MAPKAP1: variants seen among roughly 807,000 people sequenced by gnomAD.
MAPKAP1 encodes the protein MAPK associated protein 1, also known as target of rapamycin complex 2 subunit MAPKAP1.
MAPKAP1 carries 20 observed loss-of-function variants against 65.7 expected under a neutral mutation model. The ratio of observed to expected loss-of-function variants is 0.30; its 90% CI spans 0.21 to 0.44. MAPKAP1 has a LOEUF of 0.44. Among genes scored for constraint, MAPKAP1 ranks in the 20% least tolerant of loss-of-function variants. The pLI is 1.00. For synonymous variants in MAPKAP1, 222 were observed against 244.3 expected (o/e 0.91, Z 0.85); for missense variants, 423 against 648.0 (o/e 0.65, Z 3.77).
At chr9:125,692,370 T>C (rs1350870441) in intron 1 of MAPKAP1, among the ~76,000 whole-genome samples, 1 of 152,248 alleles carries the variant, frequency 6.6e-6, no homozygotes, top group Non-Finnish European at 1.5e-5. Flanking sequence ...ACAACACAGA[T>C]GAACCTTGAA....
At chr9:125,525,759 T>G (rs532989015) in intron 7 of MAPKAP1, among the ~76,000 whole-genome samples, 1 of 151,466 alleles carries the variant, frequency 6.6e-6, no homozygotes, top group East Asian at 1.9e-4. Context: ...AGGTAGGTCT[T>G]CTAGAACCCA....
Position 125,580,454 on chromosome 9 carries a change from C to T in MAPKAP1, c.671+5101G>A, listed in dbSNP as rs531127076. ...CACAAGGACAGAAATCCAAACACCG[C>T]AAGTTCTCACTTATAGGTGGGAACT... On this transcript the variant is annotated intron_variant, in intron 5 of 11. Transcript: ENST00000265960. Among the ~76,000 whole-genome samples the T allele has an allele frequency of 2.6e-4, 19 of 72,798 alleles. No homozygotes were observed. The East Asian group carries it at 5.7e-3, about 22-fold the overall frequency. The allele number at this position is 72,798 out of a possible 152,430, so 47.8% of individuals were successfully genotyped here. A position where few individuals can be genotyped will look rare whatever the true frequency, so the allele number is the denominator to read the frequency against.
At chr9:125,696,875 C>T (rs930712682) in intron 1 of MAPKAP1, among the ~76,000 whole-genome samples, 1 of 149,186 alleles carries the variant, frequency 6.7e-6, no homozygotes, top group Non-Finnish European at 1.5e-5. Flanking sequence ...TTTACCTTAA[C>T]ACACATAATT....
intron 6 of MAPKAP1, among the ~76,000 whole-genome samples, chr9:125,552,999 T>C (rs1309532720): frequency 2.6e-5 from 4 of 152,208 alleles, no homozygotes; most frequent in East Asian, 1.9e-4. Context: ...TGTGTAGCTA[T>C]ATATATCTAT....
At chr9:125,592,675 C>A (rs1197060334) in intron 4 of MAPKAP1, among the ~76,000 whole-genome samples, 1 of 151,872 alleles carries the variant, frequency 6.6e-6, no homozygotes, top group Non-Finnish European at 1.5e-5. Flanking sequence ...GAGGCCGAGG[C>A]GGGCAGATCA....
intron 4 of MAPKAP1, among the ~76,000 whole-genome samples, chr9:125,599,604 CTTT>C (rs72065538): frequency 1.3e-4 from 16 of 126,410 alleles, no homozygotes; most frequent in East Asian, 2.4e-4. Context: ...ATGTAAGTCC[CTTT>C]TTTTTTTTTT....
chr9:125,689,738 CAAA>C (rs71374291), intron 1 of MAPKAP1, among the ~76,000 whole-genome samples: 4 of 97,122 alleles, frequency 4.1e-5, no homozygotes, highest in African/African-American at 1.6e-4. Flanking sequence ...GACTCCATCT[CAAA>C]AAAAAAAAAA....
At chr9:125,543,436 T>C (rs902812375) in intron 6 of MAPKAP1, among the ~76,000 whole-genome samples, 10 of 151,814 alleles carry the variant, frequency 6.6e-5, no homozygotes, top group Admixed American at 2.0e-4. Context: ...CCGGCTAATT[T>C]TTTGTATTTT....
rs187343525 is a variant in MAPKAP1 at position 125,512,668 on chromosome 9, G to A, written c.959-6251C>T. Reference sequence around the variant, plus strand: ...GCAATCTCGGCTCACTGCAAGCTCCGCCTCCCGGGTTCACGCTATTCTCCT... The same window carrying A: ...GCAATCTCGGCTCACTGCAAGCTCCACCTCCCGGGTTCACGCTATTCTCCT... On this transcript the variant is annotated intron_variant, in intron 7 of 11. Coordinates refer to ENST00000265960, the MANE Select transcript of MAPKAP1 (RefSeq NM_001006617.3). Among the ~76,000 whole-genome samples, 755 of 151,972 alleles carry A rather than the reference G, an allele frequency of 5.0e-3. 5 individuals carry two copies. The highest frequency in any genetic ancestry group is 0.017 in the African/African-American group (710 of 41,440).
chr9:125,656,622 C>A (rs1834039021), intron 4 of MAPKAP1, among the ~76,000 whole-genome samples: 1 of 151,482 alleles, frequency 6.6e-6, no homozygotes, highest in Non-Finnish European at 1.5e-5. Context: ...GTGACAGAAC[C>A]AGCTCATGAA....
intron 3 of MAPKAP1, among the ~76,000 whole-genome samples, chr9:125,668,827 T>C (rs1348438061): frequency 6.6e-6 from 1 of 152,198 alleles, no homozygotes; most frequent in Admixed American, 6.5e-5. Flanking sequence ...GGCCCACTAA[T>C]GGGGCAAGGA....
chr9:125,668,061 T>C (rs1389189501), intron 3 of MAPKAP1, among the ~76,000 whole-genome samples: 1 of 152,074 alleles, frequency 6.6e-6, no homozygotes, highest in Non-Finnish European at 1.5e-5. Context: ...GAAAAACAAG[T>C]AATTGGGACT....
chr9:125,683,019 T>C (rs1588071005), intron 1 of MAPKAP1, among the ~76,000 whole-genome samples: 2 of 151,094 alleles, frequency 1.3e-5, no homozygotes, highest in Admixed American at 6.6e-5. Context: ...AATGCAATGG[T>C]GCGATCTCAG....
rs145549325 is a variant in MAPKAP1, at chr9:125,691,043, C to T, written c.-70+15928G>A. ...GTGGGAGGCCGAGGTGGGTGGATCG[C>T]GAGGTCAGGAGAATGAGACCATCCT... On this transcript the variant is annotated intron_variant, in intron 1 of 11. Coordinates refer to ENST00000265960, the MANE Select transcript of MAPKAP1 (RefSeq NM_001006617.3). 2.4e-3 allele frequency among the ~76,000 whole-genome samples: 358 copies of T among 152,214 alleles called. 9 individuals are homozygous for T. The East Asian group carries it at 0.054, about 23-fold the overall frequency.
At chr9:125,491,390 G>A (rs755447295) in intron 8 of MAPKAP1, among the ~76,000 whole-genome samples, 3 of 152,090 alleles carry the variant, frequency 2.0e-5, no homozygotes, top group Non-Finnish European at 4.4e-5. Flanking sequence ...ACAGTGAGCT[G>A]TGATCACGCC....
intron 10 of MAPKAP1, among the ~76,000 whole-genome samples, chr9:125,450,027 A>G (rs1374943410): frequency 1.3e-5 from 2 of 151,780 alleles, no homozygotes; most frequent in African/African-American, 2.4e-5. Flanking sequence ...GGTTCAAGCG[A>G]TTCTCCTGCC....
chr9:125,605,826 A>G (rs1469570144), intron 4 of MAPKAP1, among the ~76,000 whole-genome samples: 1 of 152,250 alleles, frequency 6.6e-6, no homozygotes, highest in Non-Finnish European at 1.5e-5. Flanking sequence ...TCACCAACAC[A>G]GTTCATGGAG....
At chr9:125,556,938 T>G (rs1830752536) in intron 6 of MAPKAP1, among the ~76,000 whole-genome samples, 1 of 152,222 alleles carries the variant, frequency 6.6e-6, no homozygotes, top group African/African-American at 2.4e-5. Context: ...CTTTTGTTCT[T>G]AATGCTCACA....
At chr9:125,459,725 G>C (rs1157978959) in intron 10 of MAPKAP1, among the ~76,000 whole-genome samples, 1 of 152,172 alleles carries the variant, frequency 6.6e-6, no homozygotes, top group Non-Finnish European at 1.5e-5. Flanking sequence ...TGAGGCAGGA[G>C]AATCAGGCAG....
Sources: gnomAD v4.1 joint callset for allele counts (sites outside exome capture counted in the v4.1 genomes callset) on GRCh38, gnomAD v4.1.1 for gene constraint, MANE v1.5 for transcripts, NCBI Gene and HGNC (gene_info 2026-07-23, HGNC 2026-07-21) for gene names.